Variants in GMCL1 observed in about 807,000 individuals in gnomAD.
The protein encoded by GMCL1 is germ cell-less 1, spermatogenesis associated.
In GMCL1, 54 loss-of-function variants were observed where a neutral mutation model predicts 75.5. The ratio of observed to expected loss-of-function variants is 0.71; its 90% CI spans 0.57 to 0.90. GMCL1 has a LOEUF of 0.90. Ranked by LOEUF, GMCL1 falls within the 40% of genes least tolerant of loss-of-function variation. The pLI is 0.00. For synonymous variants in GMCL1, 210 were observed against 209.6 expected (o/e 1.00, Z -0.02); for missense variants, 537 against 622.7 (o/e 0.86, Z 1.47).
rs116771585 is a variant in GMCL1 at position 69,871,038 on chromosome 2, G to A, written c.1365-707G>A. On this transcript the variant is annotated intron_variant, in intron 12 of 13. Transcript: ENST00000282570. Reference sequence around the variant, plus strand: ...TTCTCTTCTATAGACCAGAAGAATTGAAAATAGGGACTTAAACAGATATTT... The same window carrying A: ...TTCTCTTCTATAGACCAGAAGAATTAAAAATAGGGACTTAAACAGATATTT... 2.6e-3 allele frequency among the ~76,000 whole-genome samples: 392 copies of A among 152,262 alleles called. 2 individuals are homozygous for A. Among genetic ancestry groups the A allele is most frequent in the African/African-American group, 9.1e-3 (377 of 41,542 alleles).
rs758433548 is a variant in GMCL1, at chr2:69,837,537, C to G, written c.261-10C>G. ...ATATAAATATGTGACTTTTTCATTT[C>G]TTTTAACAGGAAAAAATTAAAGAGT... is the stretch of plus-strand genomic sequence containing the variant. On this transcript the variant is annotated splice_polypyrimidine_tract_variant and intron_variant, in intron 1 of 13. Coordinates refer to ENST00000282570, the MANE Select transcript of GMCL1 (RefSeq NM_178439.5). 3 of 1,509,140 alleles carry G rather than the reference C, an allele frequency of 2.0e-6. No homozygotes were observed. The highest frequency in any genetic ancestry group is 1.8e-6 in the Non-Finnish European group (2 of 1,119,394). The allele number at this position is 1,509,140 out of a possible 1,614,324, so 93.5% of individuals were successfully genotyped here. A position where few individuals can be genotyped will look rare whatever the true frequency, so the allele number is the denominator to read the frequency against.
At chr2:69,876,652 A>T (rs997993707) in intron 13 of GMCL1, among the ~76,000 whole-genome samples, 10 of 152,306 alleles carry the variant, frequency 6.6e-5, no homozygotes, top group Middle Eastern at 3.4e-3. Context: ...TGGACAAAAA[A>T]GGTAACCTGG....
Position 69,839,521 on chromosome 2 carries a change from T to C in GMCL1, c.449T>C (p.Leu150Pro). The change falls in exon 3 of 14, where the codon CTG (leucine) becomes CCG (proline). Residue 150 changes from leucine to proline, a missense_variant. By Grantham distance (98) the Leu-to-Pro change is moderately conservative. Around this residue, in one of 3 missense-constraint regions of GMCL1, gnomAD observed 48 missense variants for 85.0 expected, o/e 0.56. Transcript: ENST00000282570. Reference protein sequence around the residue: ...WKESSMNIIELEIPDQNIDVE... With the variant: ...WKESSMNIIEPEIPDQNIDVE... ...GAATCCAGCATGAATATTATTGAAC[T>C]GGAGATTCCTGACCAGAACATTGAT... The C allele has an allele frequency of 6.2e-7, 1 of 1,601,424 alleles. No homozygotes were observed. The highest frequency in any genetic ancestry group is 8.6e-7 in the Non-Finnish European group (1 of 1,169,330).
chr2:69,834,300 T>A (rs1482150409), intron 1 of GMCL1, among the ~76,000 whole-genome samples: 1 of 152,232 alleles, frequency 6.6e-6, no homozygotes, highest in Non-Finnish European at 1.5e-5. Context: ...CAATCTGGAT[T>A]TGTCTACTCT....
intron 3 of GMCL1, among the ~76,000 whole-genome samples, chr2:69,840,601 G>T (rs528538731): frequency 1.7e-4 from 26 of 152,118 alleles, no homozygotes; most frequent in Non-Finnish European, 3.7e-4. Context: ...TTATCTTTGA[G>T]TCTGCGTATT....
At chr2:69,871,647 A>C in intron 12 of GMCL1, 98 bp from the exon 13 acceptor site, 1 of 643,668 alleles carries the variant, frequency 1.6e-6, no homozygotes. Flanking sequence ...TATCAAATAA[A>C]AAACAGAGGA....
At chr2:69,874,679 T>C (rs1227793199) in intron 13 of GMCL1, among the ~76,000 whole-genome samples, 1 of 152,148 alleles carries the variant, frequency 6.6e-6, no homozygotes, top group Middle Eastern at 3.2e-3. Flanking sequence ...TTTCATTTTT[T>C]TCTTGCTAAT....
intron 8 of GMCL1, among the ~76,000 whole-genome samples, chr2:69,853,778 A>G (rs774802977): frequency 1.3e-5 from 2 of 152,036 alleles, no homozygotes; most frequent in Admixed American, 6.6e-5. Context: ...AAAAAATTAT[A>G]TACTTCATAA....
intron 8 of GMCL1, among the ~76,000 whole-genome samples, chr2:69,850,603 A>G (rs1300988830): frequency 2.6e-5 from 4 of 152,244 alleles, no homozygotes; most frequent in African/African-American, 9.6e-5. Context: ...CCTAACCACT[A>G]TCTTGAACTT....
At chr2:69,874,055 G>A (rs141060631) in intron 13 of GMCL1, among the ~76,000 whole-genome samples, 8 of 150,416 alleles carry the variant, frequency 5.3e-5, no homozygotes, top group Admixed American at 2.7e-4. Context: ...TGGCTATACC[G>A]TAACTTAGAT....
chr2:69,878,839 C>A, intron 13 of GMCL1, 70 bp from the exon 14 acceptor site: 4 of 1,017,574 alleles, frequency 3.9e-6, no homozygotes, highest in East Asian at 2.4e-5. Context: ...TTGGTTCACT[C>A]AGTTCAACAG....
At chr2:69,856,102 G>A (rs1284841896) in intron 9 of GMCL1, among the ~76,000 whole-genome samples, 1 of 152,152 alleles carries the variant, frequency 6.6e-6, no homozygotes, top group Non-Finnish European at 1.5e-5. Context: ...TTCAGTCATT[G>A]TTACCGTATC....
At chr2:69,836,793 G>A (rs1674829927) in intron 1 of GMCL1, among the ~76,000 whole-genome samples, 1 of 152,098 alleles carries the variant, frequency 6.6e-6, no homozygotes, top group Non-Finnish European at 1.5e-5. Context: ...AATTAAATCT[G>A]TGCAGAAATC....
chr2:69,878,293 C>T (rs1192364656), intron 13 of GMCL1, among the ~76,000 whole-genome samples: 2 of 152,130 alleles, frequency 1.3e-5, no homozygotes, highest in Non-Finnish European at 2.9e-5. Flanking sequence ...GATAATGACT[C>T]CCGACCTTCA....
rs891304135 is a variant in GMCL1 at position 69,871,837 on chromosome 2, G to T, written c.1452+5G>T. On this transcript the variant is annotated splice_donor_5th_base_variant and intron_variant, in intron 13 of 13. Coordinates refer to ENST00000282570, the MANE Select transcript of GMCL1 (RefSeq NM_178439.5). ...CTTACACTTGAAAAGGATCAGGTAT[G>T]TTCGATTATCTTCTGGTATGTCATC... 3.3e-6 allele frequency: 5 copies of T among 1,504,968 alleles called. No homozygotes were observed. Among genetic ancestry groups the T allele is most frequent in the African/African-American group, 1.4e-5 (1 of 71,738 alleles). 93.2% of individuals were successfully genotyped at this position (1,504,968 alleles called of 1,614,324 possible). A position where few individuals can be genotyped will look rare whatever the true frequency, so the allele number is the denominator to read the frequency against.
At chr2:69,873,946 C>CT (rs58504589) in intron 13 of GMCL1, 42,138 of 142,140 alleles carry the variant, frequency 0.3, 7,156 homozygotes, top group African/African-American at 0.47. Context: ...TAATTGTAAC[C>CT]TTTTTTTTTT....
intron 12 of GMCL1, 49 bp downstream of exon 12, chr2:69,869,913 T>C (rs1259033708): frequency 3.2e-6 from 5 of 1,574,166 alleles, no homozygotes; most frequent in Admixed American, 1.8e-5. Context: ...AGAGAAAATA[T>C]AAGAAATAAA....
At chr2:69,836,349 A>C (rs1182170029) in intron 1 of GMCL1, among the ~76,000 whole-genome samples, 2 of 152,042 alleles carry the variant, frequency 1.3e-5, no homozygotes, top group Non-Finnish European at 2.9e-5. Context: ...CTTAATCTTT[A>C]ATGTAATTTG....
intron 13 of GMCL1, among the ~76,000 whole-genome samples, chr2:69,874,459 G>C (rs1406053635): frequency 6.6e-6 from 1 of 152,124 alleles, no homozygotes; most frequent in East Asian, 1.9e-4. Flanking sequence ...ATGTTAGCCA[G>C]GCTGGTCTTG....
Sources: allele counts gnomAD v4.1 joint callset (sites outside exome capture counted in the v4.1 genomes callset), GRCh38; gene constraint gnomAD v4.1.1; regional missense constraint gnomAD v4.1.1; transcripts MANE v1.5; gene names NCBI Gene and HGNC (gene_info 2026-07-23, HGNC 2026-07-21).